MCTP1: variants seen among roughly 807,000 people sequenced by gnomAD.
The protein encoded by MCTP1 is multiple C2 and transmembrane domain-containing protein 1.
In MCTP1, 69 loss-of-function variants were observed where a neutral mutation model predicts 120.6. The ratio of observed to expected loss-of-function variants is 0.57; its 90% CI spans 0.47 to 0.70. The LOEUF is 0.70. Among genes scored for constraint, MCTP1 ranks in the 30% least tolerant of loss-of-function variants. MCTP1 has a pLI of 0.00. For missense variants in MCTP1, 1,203 were observed against 1,248.8 expected (o/e 0.96, Z 0.55); for synonymous variants, 529 against 493.1 (o/e 1.07, Z -0.96).
At chr5:94,856,619 C>T (rs1055885759) in intron 17 of MCTP1, among the ~76,000 whole-genome samples, 20 of 151,564 alleles carry the variant, frequency 1.3e-4, no homozygotes, top group African/African-American at 4.1e-4. Flanking sequence ...ATTACAGCAG[C>T]AAACCCGATG....
chr5:94,932,003 A>T lies in MCTP1; in HGVS notation c.1174-12T>A. 1 of 1,578,382 alleles carries T rather than the reference A, an allele frequency of 6.3e-7. No individual in the cohort carries two copies. The highest frequency in any genetic ancestry group is 1.1e-5 in the South Asian group (1 of 89,896). On this transcript the variant is annotated splice_polypyrimidine_tract_variant and intron_variant, in intron 5 of 22. Transcript: ENST00000515393. ...CTCATTAGCATTGTCTGTAAATAAA[A>T]TAAAGCATTTTCATTATCTTTTCAC...
chr5:95,252,432 C>G (rs1188661574), intron 1 of MCTP1, among the ~76,000 whole-genome samples: 2 of 152,018 alleles, frequency 1.3e-5, no homozygotes, highest in African/African-American at 2.4e-5. Context: ...CAGAACTCAC[C>G]AGAGCCTTAT....
chr5:94,848,479 T>C (rs1455321248), intron 17 of MCTP1, among the ~76,000 whole-genome samples: 1 of 152,056 alleles, frequency 6.6e-6, no homozygotes, highest in Admixed American at 6.6e-5. Flanking sequence ...TAACTACTGA[T>C]CCATGGAATC....
intron 19 of MCTP1, among the ~76,000 whole-genome samples, chr5:94,718,565 C>T (rs997866121): frequency 8.6e-5 from 13 of 152,010 alleles, no homozygotes; most frequent in Non-Finnish European, 1.3e-4. Flanking sequence ...CAAAAGAAAT[C>T]AGAGTGAACA....
chr5:95,123,651 CTTTTTTT>C (rs67736041), intron 1 of MCTP1, among the ~76,000 whole-genome samples: 2 of 145,390 alleles, frequency 1.4e-5, no homozygotes, highest in Admixed American at 6.8e-5. Context: ...ACAAGCTCTG[CTTTTTTT>C]TTTTTTTTTG....
chr5:94,728,031 T>G (rs1224081412), intron 19 of MCTP1, among the ~76,000 whole-genome samples: 2 of 152,242 alleles, frequency 1.3e-5, no homozygotes, highest in Non-Finnish European at 2.9e-5. Context: ...TATGGGATGC[T>G]GCTGATATAT....
intron 1 of MCTP1, among the ~76,000 whole-genome samples, chr5:95,183,291 C>A (rs1748823584): frequency 6.6e-6 from 1 of 151,558 alleles, no homozygotes; most frequent in Non-Finnish European, 1.5e-5. Context: ...TGAATCATAG[C>A]CTAAAACATA....
At chr5:94,767,311 T>C (rs1193679290) in intron 19 of MCTP1, among the ~76,000 whole-genome samples, 1 of 152,006 alleles carries the variant, frequency 6.6e-6, no homozygotes, top group African/African-American at 2.4e-5. Context: ...AGCTACTACA[T>C]GGAATGGGGA....
intron 18 of MCTP1, 58 bp downstream of exon 18, chr5:94,798,955 G>C (rs576931369): frequency 6.4e-7 from 1 of 1,560,168 alleles, no homozygotes; most frequent in African/African-American, 1.4e-5. Flanking sequence ...TGTTGATCTT[G>C]TCAGAGGGAC....
At chr5:94,816,073 C>G (rs1580832232) in intron 17 of MCTP1, among the ~76,000 whole-genome samples, 1 of 152,100 alleles carries the variant, frequency 6.6e-6, no homozygotes, top group East Asian at 1.9e-4. Context: ...AAGACTTCTC[C>G]CATAAAAGAA....
chr5:95,100,287 TA>T (rs961366118), intron 1 of MCTP1, among the ~76,000 whole-genome samples: 34 of 151,516 alleles, frequency 2.2e-4, no homozygotes, highest in African/African-American at 5.3e-4. Flanking sequence ...AAAAAAAAAT[TA>T]AAAAAAAATA....
rs59460090 is a variant in MCTP1 at position 95,073,179 on chromosome 5, C to CT, written c.721-55696dup. On this transcript the variant is annotated intron_variant, in intron 1 of 22. Transcript: ENST00000515393. ...GCTATCCTGAACAGCTGATTGTTCT[C>CT]TTTTTTAGGGAGTTAGTCTTAATTT... Among the ~76,000 whole-genome samples the CT allele has an allele frequency of 4.6e-3, 704 of 152,212 alleles. 3 individuals are homozygous for CT. The highest frequency in any genetic ancestry group is 0.016 in the African/African-American group (658 of 41,530).
intron 17 of MCTP1, among the ~76,000 whole-genome samples, chr5:94,814,986 T>C (rs1278393070): frequency 6.6e-6 from 1 of 152,200 alleles, no homozygotes; most frequent in Non-Finnish European, 1.5e-5. Context: ...TAGTACCACC[T>C]ATCAGGAAAT....
intron 1 of MCTP1, among the ~76,000 whole-genome samples, chr5:95,029,088 C>T (rs757114076): frequency 3.9e-4 from 58 of 148,470 alleles, no homozygotes; most frequent in Non-Finnish European, 7.2e-4. Flanking sequence ...TCCCGGAGGC[C>T]GAGGTTGTAG....
chr5:95,035,043 T>A (rs1307655935), intron 1 of MCTP1, among the ~76,000 whole-genome samples: 1 of 152,078 alleles, frequency 6.6e-6, no homozygotes, highest in Non-Finnish European at 1.5e-5. Context: ...CCAGTCAGAA[T>A]GACTATTATT....
chr5:94,732,576 A>G (rs1048144082), intron 19 of MCTP1, among the ~76,000 whole-genome samples: 8 of 152,118 alleles, frequency 5.3e-5, no homozygotes, highest in African/African-American at 1.9e-4. Flanking sequence ...CCCCATCCCC[A>G]CCAAATTCAT....
At chr5:94,931,932 A>C in intron 6 of MCTP1, 21 bp downstream of exon 6, 1 of 1,587,020 alleles carries the variant, frequency 6.3e-7, no homozygotes, top group Non-Finnish European at 8.6e-7. Flanking sequence ...AAAAGCTGAA[A>C]GATCACAAGC....
rs536944580 is a variant in MCTP1, at chr5:95,225,864, A to C, written c.720+57992T>G. Among the ~76,000 whole-genome samples, 4 of 152,216 alleles carry C rather than the reference A, an allele frequency of 2.6e-5. No homozygotes were observed. The South Asian group carries it at 8.3e-4, about 32-fold the overall frequency. On this transcript the variant is annotated intron_variant, in intron 1 of 22. Coordinates refer to ENST00000515393, the MANE Select transcript of MCTP1 (RefSeq NM_024717.7). Reference sequence around the variant, plus strand: ...GACTTTAGAAGATATTTTAATGTAAATATGTATTTCATTAAAATGAGGGGA... The same window carrying C: ...GACTTTAGAAGATATTTTAATGTAACTATGTATTTCATTAAAATGAGGGGA...
At chr5:94,910,463 T>C (rs1271021686) in intron 9 of MCTP1, among the ~76,000 whole-genome samples, 1 of 152,150 alleles carries the variant, frequency 6.6e-6, no homozygotes, top group Non-Finnish European at 1.5e-5. Context: ...CAGGAAGGCA[T>C]GCAGTGGCCT....
Sources: allele counts gnomAD v4.1 joint callset (sites outside exome capture counted in the v4.1 genomes callset), GRCh38; gene constraint gnomAD v4.1.1; transcripts MANE v1.5; gene names NCBI Gene and HGNC (gene_info 2026-07-23, HGNC 2026-07-21).